The following RABGAP1L variants were observed in gnomAD, a reference collection of about 807,000 sequenced individuals.
The protein encoded by RABGAP1L is RAB GTPase activating protein 1 like, also known as rab GTPase-activating protein 1-like.
A neutral mutation model predicts 137.7 loss-of-function variants in RABGAP1L; 63 were observed. That is an observed-to-expected ratio of 0.46 (90% CI 0.37 to 0.56). The LOEUF is 0.56. Among genes scored for constraint, RABGAP1L ranks in the 20% least tolerant of loss-of-function variants. The probability of loss-of-function intolerance (pLI) is 0.00; values close to 1 mark genes in which losing one functional copy is unlikely to be tolerated. For missense variants in RABGAP1L, 1,095 were observed against 1,244.0 expected (o/e 0.88, Z 1.80); for synonymous variants, 431 against 433.7 (o/e 0.99, Z 0.08).
intron 19 of RABGAP1L, among the ~76,000 whole-genome samples, chr1:174,923,653 G>A (rs1375116807): frequency 6.6e-6 from 1 of 151,446 alleles, no homozygotes; most frequent in South Asian, 2.1e-4. Flanking sequence ...GAGCCCAGGC[G>A]GGTGGATCAC....
At chr1:174,633,590 A>T (rs1167156013) in intron 13 of RABGAP1L, among the ~76,000 whole-genome samples, 30 of 134,766 alleles carry the variant, frequency 2.2e-4, no homozygotes, top group Non-Finnish European at 2.1e-4. Context: ...ATCCTAAGCC[A>T]AAAGAACAAA....
chr1:174,430,546 A>G lies in RABGAP1L; in HGVS notation c.1710+36401A>G, dbSNP rs548555093. Among the ~76,000 whole-genome samples the G allele has an allele frequency of 2.0e-4, 31 of 152,276 alleles. No individual in the cohort carries two copies. In the South Asian group the frequency reaches 6.4e-3, roughly 32 times the overall value. Reference sequence around the variant, plus strand: ...TGGGCACAACATGTTGGCAGTAAGTAAATCTTTTCCATTTTTAGTGTATTC... The same window carrying G: ...TGGGCACAACATGTTGGCAGTAAGTGAATCTTTTCCATTTTTAGTGTATTC... On this transcript the variant is annotated intron_variant, in intron 13 of 25. Transcript: ENST00000681986.
chr1:174,808,409 G>GGTGCAATC (rs1558100604), intron 18 of RABGAP1L, among the ~76,000 whole-genome samples: 4 of 152,020 alleles, frequency 2.6e-5, no homozygotes, highest in Non-Finnish European at 5.9e-5. Context: ...AGCTATGATT[G>GGTGCAATC]CACCATCGTA....
In RABGAP1L at chr1:174,515,679, G is replaced by C. The variant is rs981823216; in HGVS notation, c.1710+121534G>C. Among the ~76,000 whole-genome samples, 4 of 152,014 alleles carry C rather than the reference G, an allele frequency of 2.6e-5. No individual in the cohort carries two copies. The East Asian group carries it at 7.7e-4, about 29-fold the overall frequency. ...TACAAGTTCCTTAAGAACAGTGATG[G>C]TATTTTAAAAATCAGGAGTAGCCCA... On this transcript the variant is annotated intron_variant, in intron 13 of 25. Transcript: ENST00000681986.
intron 12 of RABGAP1L, among the ~76,000 whole-genome samples, chr1:174,371,282 A>G (rs1006184199): frequency 3.3e-5 from 5 of 151,994 alleles, no homozygotes; most frequent in African/African-American, 1.2e-4. Flanking sequence ...GTATGGTTTT[A>G]TTTAACTTGC....
intron 17 of RABGAP1L, among the ~76,000 whole-genome samples, chr1:174,724,641 G>A (rs1418613725): frequency 6.6e-6 from 1 of 152,110 alleles, no homozygotes; most frequent in Non-Finnish European, 1.5e-5. Flanking sequence ...TTAATGTGCT[G>A]ACACTGAAAT....
At chr1:174,664,734 CTTTTTT>C (rs71701825) in intron 14 of RABGAP1L, among the ~76,000 whole-genome samples, 51 of 97,578 alleles carry the variant, frequency 5.2e-4, no homozygotes, top group African/African-American at 1.9e-3. Flanking sequence ...TTTCTGCTTT[CTTTTTT>C]TTTTTTTTTT....
chr1:174,438,744 GTATATATATATATATATATATA>G lies in RABGAP1L; in HGVS notation c.1710+44611_1710+44632del, dbSNP rs71117563. ...AAAAACCCAAAAAAAGTGTGTGTGT[GTATATATATATATATATATATA>G]TATATATATATGACTTTTTAATTTT... On this transcript the variant is annotated intron_variant, in intron 13 of 25. Coordinates refer to ENST00000681986, the MANE Select transcript of RABGAP1L (RefSeq NM_001366446.1). Among the ~76,000 whole-genome samples the G allele has an allele frequency of 8.4e-5, 8 of 95,456 alleles. No individual in the cohort carries two copies. In the East Asian group the frequency reaches 1.9e-3, roughly 22 times the overall value. 62.6% of individuals were successfully genotyped at this position (95,456 alleles called of 152,430 possible).
At chr1:174,988,108 C>T (rs1421505663) in intron 24 of RABGAP1L, among the ~76,000 whole-genome samples, 2 of 152,160 alleles carry the variant, frequency 1.3e-5, no homozygotes, top group Middle Eastern at 3.2e-3. Context: ...CAGGCCCGGC[C>T]GGAGTTACTT....
intron 15 of RABGAP1L, among the ~76,000 whole-genome samples, chr1:174,693,460 C>T (rs1679020034): frequency 6.6e-6 from 1 of 152,176 alleles, no homozygotes; most frequent in Non-Finnish European, 1.5e-5. Context: ...TCATCACTTT[C>T]TGGTTATGTT....
intron 11 of RABGAP1L, among the ~76,000 whole-genome samples, chr1:174,354,232 T>A (rs1360458464): frequency 6.6e-6 from 1 of 151,208 alleles, no homozygotes; most frequent in Non-Finnish European, 1.5e-5. Context: ...TTCCACCACT[T>A]TGCTTCTTTT....
At chr1:174,319,112 T>G (rs1408678912) in intron 11 of RABGAP1L, among the ~76,000 whole-genome samples, 1 of 152,112 alleles carries the variant, frequency 6.6e-6, no homozygotes, top group Non-Finnish European at 1.5e-5. Flanking sequence ...TGTTTTATAC[T>G]TTCAAATGTT....
intron 11 of RABGAP1L, among the ~76,000 whole-genome samples, chr1:174,366,876 T>C (rs1329691057): frequency 1.3e-5 from 2 of 150,884 alleles, no homozygotes; most frequent in East Asian, 4.0e-4. Flanking sequence ...GTCAAACAGA[T>C]AATGGTTCTG....
At chr1:174,449,325 A>G in intron 13 of RABGAP1L, 1 of 787,278 alleles carries the variant, frequency 1.3e-6, no homozygotes, top group African/African-American at 1.7e-5. Context: ...GTATGAGACT[A>G]AAGGTTTCTC....
chr1:174,934,617 T>C (rs1164977069), intron 19 of RABGAP1L, among the ~76,000 whole-genome samples: 1 of 151,602 alleles, frequency 6.6e-6, no homozygotes, highest in Non-Finnish European at 1.5e-5. Context: ...CAGCAAAACC[T>C]CATCTCCCCA....
chr1:174,299,711 G>C (rs1677482094), intron 10 of RABGAP1L, among the ~76,000 whole-genome samples: 1 of 152,192 alleles, frequency 6.6e-6, no homozygotes, highest in African/African-American at 2.4e-5. Context: ...CCAAGTAAAA[G>C]TCAAAAAGGT....
At chr1:174,725,752 T>A (rs1386890087) in intron 17 of RABGAP1L, among the ~76,000 whole-genome samples, 1 of 152,132 alleles carries the variant, frequency 6.6e-6, no homozygotes, top group Non-Finnish European at 1.5e-5. Flanking sequence ...TGTTTTTATT[T>A]AGCATGCCTC....
At chr1:174,800,456 C>A in intron 18 of RABGAP1L, 1 of 1,550,910 alleles carries the variant, frequency 6.4e-7, no homozygotes. Flanking sequence ...AGTGCTGGAA[C>A]TTCTGGGGAT....
rs534823117 is a variant in RABGAP1L at position 174,722,825 on chromosome 1, T to C, written c.2169+20569T>C. Among the ~76,000 whole-genome samples the C allele has an allele frequency of 2.6e-5, 4 of 152,232 alleles. No individual in the cohort carries two copies. In the East Asian group the frequency reaches 7.7e-4, roughly 29 times the overall value. On this transcript the variant is annotated intron_variant, in intron 17 of 25. Transcript: ENST00000681986. ...TATGCCTTAGCCTGAAGGAGATGGG[T>C]TCCATTACCAATCTTCTTTCTTCCA...
Sources: gnomAD v4.1 joint callset for allele counts (sites outside exome capture counted in the v4.1 genomes callset) on GRCh38, gnomAD v4.1.1 for gene constraint, MANE v1.5 for transcripts, NCBI Gene and HGNC (gene_info 2026-07-23, HGNC 2026-07-21) for gene names.